The following MTUS1 variants were observed in gnomAD, a reference collection of about 807,000 sequenced individuals.
The protein encoded by MTUS1 is microtubule associated scaffold protein 1, also known as microtubule-associated tumor suppressor 1.
In MTUS1, 109 loss-of-function variants were observed where a neutral mutation model predicts 120.8. The ratio of observed to expected loss-of-function variants is 0.90; its 90% confidence interval spans 0.77 to 1.06. The LOEUF is 1.06. Ranked by LOEUF, MTUS1 falls within the 50% of genes least tolerant of loss-of-function variation. The pLI is 0.00. For missense variants in MTUS1, 2,210 were observed against 1,486.3 expected, an observed-to-expected ratio of 1.49 and a Z score of -8.01; for synonymous variants, 737 against 550.5, an observed-to-expected ratio of 1.34 and a Z score of -4.74.
intron 1 of MTUS1, among the ~76,000 whole-genome samples, chr8:17,775,424 ACCTCAAATGCTAAAT>A (rs2050345230): frequency 6.6e-6 from 1 of 152,108 alleles, no homozygotes; most frequent in Admixed American, 6.5e-5. Context: ...AGTATCTGAG[ACCTCAAATGCTAAAT>A]CCTCAAATGT....
rs141682314 is a variant in MTUS1, at chr8:17,723,650, G to A, written c.2449+22C>T. On this transcript the variant is annotated intron_variant, in intron 4 of 14. Coordinates refer to ENST00000693296, the MANE Select transcript of MTUS1 (RefSeq NM_001363059.2). ...AATGACTGTTTCCACAACCCCCGAA[G>A]TGTGATATAAAGTCGACTTACAATT... 1,945 of 1,599,588 alleles carry A rather than the reference G, an allele frequency of 1.2e-3. 33 individuals carry two copies. The African/African-American group carries it at 0.017, about 14-fold the overall frequency.
chr8:17,649,959 T>A lies in MTUS1; in HGVS notation c.3388A>T (p.Asn1130Tyr). The A allele has an allele frequency of 6.4e-7, 1 of 1,565,228 alleles. No homozygotes were observed. ...RRAREKANLKNPQIMYLEQEL... is the reference protein window; with the variant it reads ...RRAREKANLKYPQIMYLEQEL... ...TGTTCTAGATACATGATCTGAGGAT[T>A]TTTCTGGAAAGGACACAGCAAGATA... Residue 1130 changes from asparagine to tyrosine, a missense_variant, in exon 13 of 15, where the codon AAT becomes TAT. Coordinates refer to ENST00000693296, the MANE Select transcript of MTUS1 (RefSeq NM_001363059.2).
intron 3 of MTUS1, among the ~76,000 whole-genome samples, chr8:17,736,192 T>C (rs981917458): frequency 2.6e-5 from 4 of 152,356 alleles, no homozygotes; most frequent in African/African-American, 9.6e-5. Flanking sequence ...CCATAATTAC[T>C]GCCAAGTAAG....
chr8:17,657,356 CAGG>C (rs1361782152), intron 8 of MTUS1, among the ~76,000 whole-genome samples: 9 of 151,460 alleles, frequency 5.9e-5, no homozygotes, highest in African/African-American at 9.7e-5. Context: ...ATCACGAGGT[CAGG>C]AGATCGAGAC....
rs2046001318 is a variant in MTUS1 at position 17,723,741 on chromosome 8, G to A, written c.2380C>T (p.Leu794=). The change falls in exon 4 of 15, where the codon CTG becomes TTG. Residue 794 remains leucine, a synonymous_variant. Transcript: ENST00000693296. The part of the protein sequence containing the change: ...KSKASLKSPA[L]RRTGSTPSIA... ...GAGGGGGTGCTTCCTGTCCTCCGCA[G>A]CGCAGGACTTTTCAAAGATGCTTTG... is the stretch of plus-strand genomic sequence containing the variant. The A allele has an allele frequency of 6.2e-7, 1 of 1,610,724 alleles. No homozygotes were observed. Among genetic ancestry groups the A allele is most frequent in the South Asian group, 1.1e-5 (1 of 90,946 alleles).
chr8:17,651,425 T>G (rs1313872869), intron 12 of MTUS1, among the ~76,000 whole-genome samples: 2 of 152,264 alleles, frequency 1.3e-5, no homozygotes, highest in East Asian at 3.9e-4. Flanking sequence ...ACACAGTCTA[T>G]GATTGTCTCA....
chr8:17,671,983 G>GA (rs1466515745), intron 8 of MTUS1, among the ~76,000 whole-genome samples: 1 of 151,936 alleles, frequency 6.6e-6, no homozygotes, highest in Non-Finnish European at 1.5e-5. Context: ...TATCACCAGC[G>GA]AAAAAACCAT....
intron 1 of MTUS1, among the ~76,000 whole-genome samples, chr8:17,759,602 T>C (rs763164448): frequency 4.5e-4 from 67 of 147,620 alleles, no homozygotes; most frequent in Admixed American, 9.5e-4. Flanking sequence ...ATATTTTATA[T>C]ATATATATAA....
intron 4 of MTUS1, among the ~76,000 whole-genome samples, chr8:17,721,205 A>C (rs2045813888): frequency 6.6e-6 from 1 of 152,214 alleles, no homozygotes; most frequent in South Asian, 2.1e-4. Flanking sequence ...AGAGGAAGTT[A>C]ATTCTTAACA....
intron 1 of MTUS1, among the ~76,000 whole-genome samples, chr8:17,798,661 G>C (rs1212478922): frequency 6.6e-6 from 1 of 152,122 alleles, no homozygotes; most frequent in African/African-American, 2.4e-5. Context: ...TTCTACCACA[G>C]TCACATATAG....
In MTUS1 at chr8:17,649,833, GAAGGA is replaced by G. The variant is rs1806598711; in HGVS notation, c.3501+8_3501+12del. ...CATTTGTAAGATCCTCTTTCATTCT[GAAGGA>G]AACATACCAGTTTCTCCATTTTCAT... On this transcript the variant is annotated splice_region_variant and intron_variant, in intron 13 of 14. Coordinates refer to ENST00000693296, the MANE Select transcript of MTUS1 (RefSeq NM_001363059.2). The G allele has an allele frequency of 1.4e-6, 2 of 1,398,286 alleles. No individual in the cohort carries two copies. The highest frequency in any genetic ancestry group is 2.0e-6 in the Non-Finnish European group (2 of 984,206). The allele number at this position is 1,398,286 out of a possible 1,614,324, so 86.6% of individuals were successfully genotyped here.
chr8:17,776,897 T>G (rs1313173489), intron 1 of MTUS1, among the ~76,000 whole-genome samples: 1 of 151,994 alleles, frequency 6.6e-6, no homozygotes, highest in Non-Finnish European at 1.5e-5. Flanking sequence ...TCTCCTCTTT[T>G]AAGACCTAAT....
At chr8:17,711,468 A>C (rs1821291939) in intron 6 of MTUS1, among the ~76,000 whole-genome samples, 1 of 151,038 alleles carries the variant, frequency 6.6e-6, no homozygotes, top group Admixed American at 6.6e-5. Flanking sequence ...TTTTTTCTGC[A>C]GCTCCCTCAC....
chr8:17,740,980 C>G (rs1388072449), intron 3 of MTUS1, among the ~76,000 whole-genome samples: 1 of 152,158 alleles, frequency 6.6e-6, no homozygotes, highest in Admixed American at 6.5e-5. Flanking sequence ...ATTCTCCTGC[C>G]TCACCCTCCC....
At chr8:17,687,482 C>G (rs1563203779) in intron 6 of MTUS1, among the ~76,000 whole-genome samples, 1 of 152,164 alleles carries the variant, frequency 6.6e-6, no homozygotes, top group Non-Finnish European at 1.5e-5. Flanking sequence ...TGCCCTTACC[C>G]TTGCTTATTA....
intron 6 of MTUS1, among the ~76,000 whole-genome samples, chr8:17,708,342 C>T (rs1398098613): frequency 2.6e-5 from 4 of 152,178 alleles, no homozygotes; most frequent in East Asian, 1.9e-4. Flanking sequence ...AGTAAGCACA[C>T]GAAATGACAC....
chr8:17,794,946 A>G (rs1199180187), intron 1 of MTUS1, among the ~76,000 whole-genome samples: 3 of 152,236 alleles, frequency 2.0e-5, no homozygotes, highest in African/African-American at 7.2e-5. Flanking sequence ...CGTATCATTC[A>G]TAGCTAACAA....
intron 1 of MTUS1, among the ~76,000 whole-genome samples, chr8:17,756,966 C>T (rs1317155947): frequency 6.6e-6 from 1 of 152,154 alleles, no homozygotes; most frequent in East Asian, 1.9e-4. Flanking sequence ...TTAAGCCATC[C>T]AGTGTATGAT....
intron 6 of MTUS1, among the ~76,000 whole-genome samples, chr8:17,712,774 T>C (rs1403744011): frequency 7.0e-6 from 1 of 143,154 alleles, no homozygotes; most frequent in Non-Finnish European, 1.5e-5. Context: ...GTTCAAATAG[T>C]GGAGGCTGCA....
Sources: allele counts gnomAD v4.1 joint callset (sites outside exome capture counted in the v4.1 genomes callset), GRCh38; gene constraint gnomAD v4.1.1; transcripts MANE v1.5; gene names NCBI Gene and HGNC (gene_info 2026-07-23, HGNC 2026-07-21).